MCPH1: variants seen among roughly 807,000 people sequenced by gnomAD.
MCPH1 encodes the protein microcephalin 1, also known as microcephalin.
Under a neutral mutation model 84.5 loss-of-function variants are expected in MCPH1, and 104 were observed. That is an observed-to-expected ratio of 1.23 (90% CI 1.05 to 1.45). The LOEUF (loss-of-function observed/expected upper bound fraction) is 1.45, where lower values mean the gene tolerates loss of function less well. MCPH1 is among the 40% of genes most tolerant of loss of function. MCPH1 has a pLI of 0.00. For synonymous variants in MCPH1, 514 were observed against 366.8 expected (o/e 1.40, Z -4.58); for missense variants, 1,498 against 1,005.7 (o/e 1.49, Z -6.62).
chr8:6,535,461 G>T (rs1820307747), intron 12 of MCPH1, among the ~76,000 whole-genome samples: 1 of 152,144 alleles, frequency 6.6e-6, no homozygotes, highest in Non-Finnish European at 1.5e-5. Context: ...CTACTTTTTA[G>T]CTATTCAGGA....
At chr8:6,520,806 T>C (rs1351244675) in intron 12 of MCPH1, among the ~76,000 whole-genome samples, 2 of 152,248 alleles carry the variant, frequency 1.3e-5, no homozygotes, top group Non-Finnish European at 2.9e-5. Flanking sequence ...AGTGCCATTG[T>C]ATTATCTCAT....
chr8:6,434,396 C>T (rs916792961), intron 4 of MCPH1, among the ~76,000 whole-genome samples: 1 of 152,186 alleles, frequency 6.6e-6, no homozygotes, highest in Non-Finnish European at 1.5e-5. Context: ...CAATCTGTCC[C>T]CAAACTTCCC....
At chr8:6,558,712 C>G (rs1825041791) in intron 12 of MCPH1, among the ~76,000 whole-genome samples, 1 of 152,096 alleles carries the variant, frequency 6.6e-6, no homozygotes, top group African/African-American at 2.4e-5. Flanking sequence ...ACTCTGCAAG[C>G]AAACAATCAT....
intron 12 of MCPH1, among the ~76,000 whole-genome samples, chr8:6,533,665 G>T (rs1458086009): frequency 2.2e-5 from 3 of 135,936 alleles, no homozygotes; most frequent in African/African-American, 8.2e-5. Flanking sequence ...CACAAACCAT[G>T]TTTTCTTCCT....
At chr8:6,466,204 T>C (rs1410553916) in intron 9 of MCPH1, among the ~76,000 whole-genome samples, 1 of 151,024 alleles carries the variant, frequency 6.6e-6, no homozygotes, top group Admixed American at 6.6e-5. Flanking sequence ...TTGCGCGATC[T>C]TTGCTCATTG....
intron 13 of MCPH1, among the ~76,000 whole-genome samples, chr8:6,632,979 A>C (rs926086713): frequency 6.6e-6 from 1 of 151,882 alleles, no homozygotes; most frequent in Non-Finnish European, 1.5e-5. Flanking sequence ...TTTTCTTAGT[A>C]GTGTTAAAAA....
intron 12 of MCPH1, among the ~76,000 whole-genome samples, chr8:6,582,447 T>G (rs531625562): frequency 4.9e-4 from 74 of 152,324 alleles, no homozygotes; most frequent in Middle Eastern, 3.4e-3. Flanking sequence ...TCTATCTGTG[T>G]ATTTGCTTAT....
At chr8:6,413,543 C>A (rs1471697785) in intron 2 of MCPH1, among the ~76,000 whole-genome samples, 1 of 151,668 alleles carries the variant, frequency 6.6e-6, no homozygotes, top group African/African-American at 2.4e-5. Flanking sequence ...GTTGGATCTC[C>A]TGGTCTGAGC....
Position 6,609,828 on chromosome 8 carries a change from C to CCCCCACACA in MCPH1, c.2215-11625_2215-11624insCCCACACAC, listed in dbSNP as rs1475345162. ...CAAAGCAATGCCCCCCGCCCCCCCC[C>CCCCCACACA]CACACACAGACTGCCAGGTAAACCA... On this transcript the variant is annotated intron_variant, in intron 12 of 13. Transcript: ENST00000344683. Among the ~76,000 whole-genome samples the CCCCCACACA allele has an allele frequency of 6.1e-3, 665 of 108,564 alleles. 13 individuals are homozygous for CCCCCACACA. The highest frequency in any genetic ancestry group is 0.011 in the Middle Eastern group (2 of 184). The allele number at this position is 108,564 out of a possible 152,430, so 71.2% of individuals were successfully genotyped here. A position where few individuals can be genotyped will look rare whatever the true frequency, so the allele number is the denominator to read the frequency against.
chr8:6,411,110 A>C (rs1486250249), intron 2 of MCPH1, among the ~76,000 whole-genome samples: 2 of 152,020 alleles, frequency 1.3e-5, no homozygotes, highest in African/African-American at 4.8e-5. Context: ...AAAAATAGGC[A>C]CTAGTAGGAT....
At chr8:6,639,153 G>A (rs1055324967) in intron 13 of MCPH1, among the ~76,000 whole-genome samples, 3 of 152,164 alleles carry the variant, frequency 2.0e-5, no homozygotes, top group Non-Finnish European at 4.4e-5. Flanking sequence ...GGATACATGC[G>A]TGGAAGGGTG....
intron 11 of MCPH1, chr8:6,494,547 G>A (rs888189392): frequency 6.6e-6 from 1 of 152,062 alleles, no homozygotes; most frequent in Non-Finnish European, 1.5e-5. Flanking sequence ...ATTAAATATC[G>A]TTATTATTCA....
At chr8:6,602,399 G>A (rs1829442020) in intron 12 of MCPH1, among the ~76,000 whole-genome samples, 1 of 152,164 alleles carries the variant, frequency 6.6e-6, no homozygotes, top group South Asian at 2.1e-4. Context: ...GGCAACCAGA[G>A]GTGTCCGCAG....
intron 12 of MCPH1, among the ~76,000 whole-genome samples, chr8:6,577,166 G>C (rs756258863): frequency 6.6e-6 from 1 of 152,212 alleles, no homozygotes; most frequent in African/African-American, 2.4e-5. Context: ...AGGGAATCTC[G>C]TTAATCCAGG....
At chr8:6,461,806 T>C (rs1371266535) in intron 9 of MCPH1, among the ~76,000 whole-genome samples, 1 of 152,216 alleles carries the variant, frequency 6.6e-6, no homozygotes, top group Non-Finnish European at 1.5e-5. Flanking sequence ...TTGTTGAATA[T>C]TGTCAGACAC....
rs1383967940 is a variant in MCPH1, at chr8:6,645,574, C to G, written c.*2525C>G. 3.1e-5 allele frequency: 2 copies of G among 65,104 alleles called. No homozygotes were observed. Among genetic ancestry groups the G allele is most frequent in the South Asian group, 4.7e-4 (1 of 2,134 alleles). 4.0% of individuals were successfully genotyped at this position (65,104 alleles called of 1,614,324 possible). A position where few individuals can be genotyped will look rare whatever the true frequency, so the allele number is the denominator to read the frequency against. ...ATAAAAGTCTTTATTCTCAAGAATACAAGACACTATGTATAGAAATTGTAA... is the reference window on the plus strand; with the variant it reads ...ATAAAAGTCTTTATTCTCAAGAATAGAAGACACTATGTATAGAAATTGTAA... On this transcript the variant is annotated 3_prime_UTR_variant, in exon 14 of 14. Coordinates refer to ENST00000344683, the MANE Select transcript of MCPH1 (RefSeq NM_024596.5).
chr8:6,632,258 T>C (rs2129582403), intron 13 of MCPH1, among the ~76,000 whole-genome samples: 1 of 152,310 alleles, frequency 6.6e-6, no homozygotes, highest in South Asian at 2.1e-4. Context: ...TAGAAATTAA[T>C]AGTAGTGATG....
rs528904401 is a variant in MCPH1 at position 6,482,009 on chromosome 8, A to T, written c.2136+1133A>T. Among the ~76,000 whole-genome samples the T allele has an allele frequency of 5.3e-5, 8 of 152,296 alleles. No individual in the cohort carries two copies. The East Asian group carries it at 1.5e-3, about 29-fold the overall frequency. ...GTTATCTGGCTCCATTCTCCCTGGGATGTGAATCGTCCTTCAGTCCAGCCT... is the reference window on the plus strand; with the variant it reads ...GTTATCTGGCTCCATTCTCCCTGGGTTGTGAATCGTCCTTCAGTCCAGCCT... On this transcript the variant is annotated intron_variant, in intron 11 of 13. Transcript: ENST00000344683.
chr8:6,633,535 T>C (rs1395951923), intron 13 of MCPH1, among the ~76,000 whole-genome samples: 4 of 152,126 alleles, frequency 2.6e-5, no homozygotes, highest in Non-Finnish European at 5.9e-5. Context: ...AAGTGGAAAA[T>C]TCCACACCTG....
Sources: allele counts gnomAD v4.1 joint callset (sites outside exome capture counted in the v4.1 genomes callset), GRCh38; gene constraint gnomAD v4.1.1; transcripts MANE v1.5; gene names NCBI Gene and HGNC (gene_info 2026-07-23, HGNC 2026-07-21).